The following DNAH3 variants were observed in gnomAD, a reference collection of about 807,000 sequenced individuals.
The protein encoded by DNAH3 is axonemal beta dynein heavy chain 3.
A neutral mutation model predicts 432.5 loss-of-function variants in DNAH3; 332 were observed. The observed-to-expected ratio is 0.77, with a 90% CI of 0.70 to 0.84. DNAH3 has a LOEUF of 0.84. Ranked by LOEUF, DNAH3 falls within the 40% of genes least tolerant of loss-of-function variation. The pLI, the probability that DNAH3 is intolerant of heterozygous loss-of-function variation, is 0.00. For synonymous variants in DNAH3, 1,956 were observed against 1,900.2 expected (o/e 1.03, Z -0.76); for missense variants, 4,861 against 5,114.0 (o/e 0.95, Z 1.51).
At chr16:21,117,322 G>A in intron 11 of DNAH3, 1 of 1,585,272 alleles carries the variant, frequency 6.3e-7, no homozygotes, top group Non-Finnish European at 8.6e-7. Flanking sequence ...TCAGCTCTGG[G>A]AACAGGACAG....
rs111793006 is a variant in DNAH3 at position 21,075,769 on chromosome 16, C to T, written c.2970-208G>A. 2.3e-3 allele frequency among the ~76,000 whole-genome samples: 346 copies of T among 151,728 alleles called. 1 individual carries two copies. Among genetic ancestry groups the T allele is most frequent in the African/African-American group, 7.8e-3 (324 of 41,378 alleles). On this transcript the variant is annotated intron_variant, in intron 20 of 61. Transcript: ENST00000261383. The stretch of plus-strand genomic sequence containing the variant: ...CTCCACTAAAAACACAAAAATTAGC[C>T]AGGTGTGGTGTATGCCTGTAGTTCT...
intron 1 of DNAH3, 89 bp from the exon 3 acceptor site, chr16:21,146,177 A>C (rs1392568279): frequency 4.9e-6 from 4 of 824,356 alleles, no homozygotes; most frequent in South Asian, 1.5e-5. Context: ...GGTCCCCAGG[A>C]AAAGTTTTAG....
At chr16:21,084,895 G>T (rs1217552031) in intron 19 of DNAH3, among the ~76,000 whole-genome samples, 1 of 152,136 alleles carries the variant, frequency 6.6e-6, no homozygotes, top group African/African-American at 2.4e-5. Flanking sequence ...GGACACTCTT[G>T]ATAGTGCCAT....
intron 41 of DNAH3, 34 bp downstream of exon 41, chr16:21,019,590 T>A: frequency 1.2e-6 from 2 of 1,610,888 alleles, no homozygotes; most frequent in Non-Finnish European, 1.7e-6. Flanking sequence ...TTCCAACTAT[T>A]ATACTAGAAC....
intron 1 of DNAH3, among the ~76,000 whole-genome samples, chr16:21,155,694 G>T (rs1479257603): frequency 2.1e-5 from 3 of 144,628 alleles, no homozygotes; most frequent in African/African-American, 7.7e-5. Flanking sequence ...ACTTGTACTT[G>T]TACTAAAAAG....
exon 46 of DNAH3, chr16:20,987,774 C>T (rs770654197): frequency 2.5e-6 from 4 of 1,613,930 alleles, no homozygotes; most frequent in Middle Eastern, 1.6e-4. Flanking sequence ...AATGTGACTT[C>T]GAGGGAGTTG....
intron 28 of DNAH3, among the ~76,000 whole-genome samples, chr16:21,052,878 G>A (rs915971394): frequency 6.6e-6 from 1 of 152,144 alleles, no homozygotes; most frequent in Non-Finnish European, 1.5e-5. Flanking sequence ...AAGGAAGCCC[G>A]AGAATCCATG....
At chr16:21,024,746 C>T (rs763335426) in intron 38 of DNAH3, 45 bp from the exon 39 acceptor site, 1 of 1,433,272 alleles carries the variant, frequency 7.0e-7, no homozygotes, top group Non-Finnish European at 9.8e-7. Flanking sequence ...TTCTTTGTTA[C>T]TAATACGGGT....
chr16:20,989,860 A>G (rs972879114), intron 44 of DNAH3, among the ~76,000 whole-genome samples: 2 of 152,314 alleles, frequency 1.3e-5, no homozygotes, highest in Middle Eastern at 3.4e-3. Context: ...GGGACCCAGT[A>G]CACCCTCCGC....
intron 34 of DNAH3, 23 bp downstream of exon 34, chr16:21,037,738 C>G (rs773888273): frequency 6.2e-7 from 1 of 1,608,730 alleles, no homozygotes; most frequent in African/African-American, 1.3e-5. Flanking sequence ...GGTCCTCGGC[C>G]AAGGTCCTGA....
intron 18 of DNAH3, among the ~76,000 whole-genome samples, chr16:21,088,501 A>G (rs149457571): frequency 6.8e-4 from 103 of 152,354 alleles, no homozygotes; most frequent in African/African-American, 2.4e-3. Context: ...ATGATTATCT[A>G]GAGACAGCCT....
intron 27 of DNAH3, among the ~76,000 whole-genome samples, chr16:21,056,794 G>A (rs879819134): frequency 4.6e-5 from 7 of 152,154 alleles, no homozygotes; most frequent in Admixed American, 3.9e-4. Context: ...TGGGGCACAT[G>A]AATCCACCTC....
chr16:21,002,444 G>GTTGTTATTATTATTATTA (rs1379704010), intron 42 of DNAH3, among the ~76,000 whole-genome samples: 1 of 146,828 alleles, frequency 6.8e-6, no homozygotes, highest in African/African-American at 2.5e-5. Flanking sequence ...ATCTGGTGTT[G>GTTGTTATTATTATTATTA]TTATTATTAT....
At chr16:21,154,006 G>A (rs567071544) in intron 1 of DNAH3, among the ~76,000 whole-genome samples, 1 of 152,222 alleles carries the variant, frequency 6.6e-6, no homozygotes, top group South Asian at 2.1e-4. Context: ...GGGAGAGCTG[G>A]AGACTCTGGT....
At chr16:21,118,549 C>T (rs2092261415) in intron 11 of DNAH3, among the ~76,000 whole-genome samples, 1 of 152,178 alleles carries the variant, frequency 6.6e-6, no homozygotes, top group African/African-American at 2.4e-5. Flanking sequence ...CTTCCTACCT[C>T]AGCCTCCTGA....
chr16:20,992,447 G>A (rs1356224971), intron 44 of DNAH3, among the ~76,000 whole-genome samples: 3 of 152,186 alleles, frequency 2.0e-5, no homozygotes, highest in Non-Finnish European at 2.9e-5. Context: ...CCGGGTTCAC[G>A]CCATTCTCCC....
At chr16:20,989,962 C>G (rs2086468211) in intron 44 of DNAH3, among the ~76,000 whole-genome samples, 1 of 152,230 alleles carries the variant, frequency 6.6e-6, no homozygotes, top group Non-Finnish European at 1.5e-5. Flanking sequence ...CCCACGCCCA[C>G]CCGGAACTCC....
chr16:21,051,976 A>G, intron 28 of DNAH3, 108 bp from the exon 29 acceptor site: 1 of 829,652 alleles, frequency 1.2e-6, no homozygotes, highest in South Asian at 1.8e-5. Flanking sequence ...CATTCTCCAA[A>G]CTATTTTATT....
At chr16:20,963,532 T>C in exon 53 of DNAH3, 1 of 1,613,794 alleles carries the variant, frequency 6.2e-7, no homozygotes. Context: ...CCAGGCCGAG[T>C]CATAGATCAG....
Sources: allele counts gnomAD v4.1 joint callset (sites outside exome capture counted in the v4.1 genomes callset), GRCh38; gene constraint gnomAD v4.1.1; transcripts MANE v1.5; gene names NCBI Gene and HGNC (gene_info 2026-07-23, HGNC 2026-07-21).